The following ENO1 variants were observed in gnomAD, a reference collection of about 807,000 sequenced individuals.
ENO1 encodes the protein enolase 1.
In ENO1, 33 loss-of-function variants were observed where a neutral mutation model predicts 46.3. The observed-to-expected ratio is 0.71, with a 90% CI of 0.54 to 0.95. The LOEUF (loss-of-function observed/expected upper bound fraction) is 0.95, where lower values mean the gene tolerates loss of function less well. ENO1 is among the 40% of genes least tolerant of loss of function. The pLI is 0.00. For synonymous variants in ENO1, 220 were observed against 216.0 expected (o/e 1.02, Z -0.16); for missense variants, 488 against 553.3 (o/e 0.88, Z 1.18).
chr1:8,866,867 A>G (rs960932338), intron 6 of ENO1, among the ~76,000 whole-genome samples: 2 of 152,190 alleles, frequency 1.3e-5, no homozygotes, highest in African/African-American at 4.8e-5. Context: ...ACTTGTGACT[A>G]TGTCAGGTAA....
chr1:8,863,375 A>G (rs1642445298), intron 9 of ENO1, 32 bp from the exon 10 acceptor site: 1 of 1,593,946 alleles, frequency 6.3e-7, no homozygotes, highest in African/African-American at 1.4e-5. Context: ...AGATGGCATG[A>G]TCCCATTTTC....
intron 4 of ENO1, among the ~76,000 whole-genome samples, chr1:8,869,720 C>T (rs150788906): frequency 1.3e-4 from 20 of 152,224 alleles, no homozygotes; most frequent in Admixed American, 2.0e-4. Context: ...CCACCATGCC[C>T]GGCCAATTTT....
chr1:8,871,854 A>T (rs997797436), intron 3 of ENO1, 37 bp downstream of exon 3: 1 of 1,603,026 alleles, frequency 6.2e-7, no homozygotes, highest in South Asian at 1.1e-5. Flanking sequence ...TGGGGCTGGA[A>T]GCAGGGAGGC....
In ENO1 at chr1:8,874,885, G is replaced by T. The variant is rs1286802742; in HGVS notation, c.24C>A (p.Ala8=). ...TCCCGCGAGAGTCAAAGATCTCCCT[G>T]GCATGGATCTTGAGAATAGACATGG... MSILKIH[A]REIFDSRGNP... Residue 8 remains alanine (A), a synonymous_variant, in exon 2 of 12, where the codon GCC becomes GCA. Coordinates refer to ENST00000234590, the MANE Select transcript of ENO1 (RefSeq NM_001428.5). 2 of 1,613,836 alleles carry T rather than the reference G, an allele frequency of 1.2e-6. No individual in the cohort carries two copies. The highest frequency in any genetic ancestry group is 1.7e-6 in the Non-Finnish European group (2 of 1,179,862).
At chr1:8,872,952 T>C (rs1642664039) in intron 2 of ENO1, among the ~76,000 whole-genome samples, 1 of 152,122 alleles carries the variant, frequency 6.6e-6, no homozygotes, top group South Asian at 2.1e-4. Flanking sequence ...AGGGCAATCT[T>C]TGGTGGAGGC....
At chr1:8,872,096 C>T in intron 2 of ENO1, 110 bp from the exon 3 acceptor site, 2 of 844,560 alleles carry the variant, frequency 2.4e-6, no homozygotes, top group East Asian at 2.5e-5. Context: ...CTGTTTCTTC[C>T]TCCTACCAGC....
chr1:8,878,484 G>A, intron 1 of ENO1, 96 bp downstream of exon 1: 1 of 386,294 alleles, frequency 2.6e-6, no homozygotes, highest in Non-Finnish European at 5.3e-6. Flanking sequence ...CGCTGGGCCT[G>A]CGGGCGCGCC....
At chr1:8,868,186 G>A in intron 4 of ENO1, 129 bp from the exon 5 acceptor site, 1 of 766,682 alleles carries the variant, frequency 1.3e-6, no homozygotes, top group Non-Finnish European at 2.1e-6. Flanking sequence ...TGTTTTATAA[G>A]CAAAAAAAGT....
chr1:8,868,432 A>C (rs1642567815), intron 4 of ENO1, among the ~76,000 whole-genome samples: 1 of 152,170 alleles, frequency 6.6e-6, no homozygotes, highest in African/African-American at 2.4e-5. Context: ...ATAAATAAGC[A>C]AAGCTCACTG....
chr1:8,865,875 A>T (rs1642501520), intron 7 of ENO1: 2 of 329,492 alleles, frequency 6.1e-6, no homozygotes, highest in Non-Finnish European at 1.1e-5. Context: ...CCGGGATGGC[A>T]GGATCCTCCC....
At chr1:8,876,278 G>A (rs1322805825) in intron 1 of ENO1, 1 of 152,160 alleles carries the variant, frequency 6.6e-6, no homozygotes, top group African/African-American at 2.4e-5. Flanking sequence ...ATTATTTACT[G>A]AAGTCACTTC....
rs1248903701 is a variant in ENO1, at chr1:8,863,255, C to A, written c.1156G>T (p.Val386Leu). ...CTTACCTGCCCAGTGCACAGCCCCA[C>A]AACCAGGTCAGCGATGAAGGTATCT... ...TEDTFIADLVVGLCTGQIKTG... is the reference protein window; with the variant it reads ...TEDTFIADLVLGLCTGQIKTG... The change falls in exon 10 of 12, where the codon GTG (valine) becomes TTG (leucine). Residue 386 changes from valine (V) to leucine (L), a missense_variant. Coordinates refer to ENST00000234590, the MANE Select transcript of ENO1 (RefSeq NM_001428.5). 4 of 1,614,068 alleles carry A rather than the reference C, an allele frequency of 2.5e-6. No homozygotes were observed. Among genetic ancestry groups the A allele is most frequent in the African/African-American group, 1.3e-5 (1 of 74,928 alleles).
chr1:8,870,311 G>T, intron 4 of ENO1, 141 bp downstream of exon 4: 2 of 1,071,206 alleles, frequency 1.9e-6, no homozygotes, highest in Non-Finnish European at 2.7e-6. Flanking sequence ...TGTCATGCAT[G>T]GATTGTTCTC....
In ENO1 at chr1:8,862,949, G is replaced by A. The variant is rs1252025614; in HGVS notation, c.1177-4C>T. The stretch of plus-strand genomic sequence containing the variant: ...GGCAAGGGGCACCAGTCTTGATCTA[G>A]GAGAAAAGAAAGGCCATTTGCTTAC... On this transcript the variant is annotated splice_polypyrimidine_tract_variant and splice_region_variant and intron_variant, in intron 10 of 11. Coordinates refer to ENST00000234590, the MANE Select transcript of ENO1 (RefSeq NM_001428.5). The A allele has an allele frequency of 6.2e-7, 1 of 1,613,916 alleles. No homozygotes were observed. The highest frequency in any genetic ancestry group is 2.2e-5 in the East Asian group (1 of 44,896).
chr1:8,875,154 A>G (rs1460206089), intron 1 of ENO1, among the ~76,000 whole-genome samples: 1 of 152,212 alleles, frequency 6.6e-6, no homozygotes, highest in East Asian at 1.9e-4. Flanking sequence ...TATGCCTAGT[A>G]TTCCATTACT....
At chr1:8,861,792 T>G (rs1642410498) in intron 11 of ENO1, among the ~76,000 whole-genome samples, 1 of 149,228 alleles carries the variant, frequency 6.7e-6, no homozygotes, top group African/African-American at 2.5e-5. Flanking sequence ...TAAAAAATAT[T>G]GAAGGGACAA....
rs1435289875 is a variant in ENO1, at chr1:8,870,530, C to G, written c.182-20G>C. ...AGACACCTGGAAGGAACAATCAAAT[C>G]AAATTACTGACATTAACTTTAAAAC... On this transcript the variant is annotated intron_variant, in intron 3 of 11. Transcript: ENST00000234590. The G allele has an allele frequency of 1.9e-6, 3 of 1,614,102 alleles. No homozygotes were observed. The South Asian group carries it at 3.3e-5, about 18-fold the overall frequency.
chr1:8,864,475 A>G lies in ENO1; in HGVS notation c.866-383T>C, dbSNP rs190558932. Reference sequence around the variant, plus strand: ...GCCAACCTACCCAGCTACTTATTTTATTTTATTTTTTTGTAGCAATGGAGT... The same window carrying G: ...GCCAACCTACCCAGCTACTTATTTTGTTTTATTTTTTTGTAGCAATGGAGT... On this transcript the variant is annotated intron_variant, in intron 8 of 11. Transcript: ENST00000234590. Among the ~76,000 whole-genome samples the G allele has an allele frequency of 8.8e-3, 1,336 of 152,030 alleles. 17 individuals are homozygous for G. The highest frequency in any genetic ancestry group is 0.013 in the Non-Finnish European group (867 of 67,946).
rs762894158 is a variant in ENO1 at position 8,864,099 on chromosome 1, A to C, written c.866-7T>G. ...GGATCTTCGATAGACACCACTAAGG[A>C]AAGGAGGGACACGCTTCATCAGTGT... On this transcript the variant is annotated splice_polypyrimidine_tract_variant and splice_region_variant and intron_variant, in intron 8 of 11. Coordinates refer to ENST00000234590, the MANE Select transcript of ENO1 (RefSeq NM_001428.5). 1 of 1,613,874 alleles carries C rather than the reference A, an allele frequency of 6.2e-7. No homozygotes were observed. Among genetic ancestry groups the C allele is most frequent in the Non-Finnish European group, 8.5e-7 (1 of 1,179,950 alleles).
Sources: gnomAD v4.1 joint callset for allele counts (sites outside exome capture counted in the v4.1 genomes callset) on GRCh38, gnomAD v4.1.1 for gene constraint, MANE v1.5 for transcripts, NCBI Gene and HGNC (gene_info 2026-07-23, HGNC 2026-07-21) for gene names.